FANCC: variants seen among roughly 807,000 people sequenced by gnomAD.
The protein encoded by FANCC is Fanconi anemia group C protein.
In FANCC, 55 loss-of-function variants were observed where a neutral mutation model predicts 71.3. That is an observed-to-expected ratio of 0.77 (90% CI 0.62 to 0.97). The LOEUF is 0.97. Ranked by LOEUF, FANCC falls within the 50% of genes least tolerant of loss-of-function variation. FANCC has a pLI of 0.00. For missense variants in FANCC, 678 were observed against 670.9 expected (o/e 1.01, Z -0.12); for synonymous variants, 275 against 244.9 (o/e 1.12, Z -1.15).
At chr9:95,195,233 T>A (rs2135765459) in intron 4 of FANCC, among the ~76,000 whole-genome samples, 2 of 133,272 alleles carry the variant, frequency 1.5e-5, no homozygotes, top group South Asian at 2.5e-4. Context: ...CAACTATGCC[T>A]AGTTCCAGAG....
chr9:95,295,233 A>G (rs1237980305), intron 1 of FANCC, among the ~76,000 whole-genome samples: 1 of 152,182 alleles, frequency 6.6e-6, no homozygotes, highest in Non-Finnish European at 1.5e-5. Context: ...CAAAGAAAAT[A>G]ACAGCGTGAA....
intron 7 of FANCC, among the ~76,000 whole-genome samples, chr9:95,146,913 A>C (rs1232811417): frequency 6.6e-6 from 1 of 152,088 alleles, no homozygotes; most frequent in African/African-American, 2.4e-5. Flanking sequence ...CATAAGAAGA[A>C]ATAAGTACAC....
chr9:95,124,202 T>C (rs755925907), intron 10 of FANCC, among the ~76,000 whole-genome samples: 3 of 151,454 alleles, frequency 2.0e-5, no homozygotes, highest in African/African-American at 4.9e-5. Flanking sequence ...GAGCCAAGCA[T>C]TGTAGTTCTC....
At chr9:95,194,493 C>T (rs1426954755) in intron 4 of FANCC, among the ~76,000 whole-genome samples, 1 of 152,204 alleles carries the variant, frequency 6.6e-6, no homozygotes, top group African/African-American at 2.4e-5. Flanking sequence ...AGTTCCTCCA[C>T]ATCTTCACCA....
At chr9:95,163,942 T>C (rs1830909559) in intron 6 of FANCC, among the ~76,000 whole-genome samples, 1 of 152,242 alleles carries the variant, frequency 6.6e-6, no homozygotes, top group Admixed American at 6.5e-5. Context: ...CTTATTTAAT[T>C]TCTTTTAGCA....
rs139573122 is a variant in FANCC, at chr9:95,244,177, C to A, written c.250+3255G>T. Among the ~76,000 whole-genome samples, 85 of 152,340 alleles carry A rather than the reference C, an allele frequency of 5.6e-4. No individual in the cohort carries two copies. In the East Asian group the frequency reaches 0.015, roughly 27 times the overall value. Reference sequence around the variant, plus strand: ...ATATGAGACCCCACGAGTTCAGATGCCCTGTCTTAGAGAATCACATCTTCA... The same window carrying A: ...ATATGAGACCCCACGAGTTCAGATGACCTGTCTTAGAGAATCACATCTTCA... On this transcript the variant is annotated intron_variant, in intron 3 of 14. Transcript: ENST00000289081.
rs2071247294 is a variant in FANCC at position 95,103,928 on chromosome 9, G to A, written c.1534-2078C>T. ...AGATAGTGGCCTTTGCCTTGAGCTG[G>A]CACTGCTCTCCAAATCTGGATGCCA... On this transcript the variant is annotated intron_variant, in intron 14 of 14. Transcript: ENST00000289081. 2.0e-5 allele frequency among the ~76,000 whole-genome samples: 3 copies of A among 152,348 alleles called. No individual in the cohort carries two copies. The South Asian group carries it at 6.2e-4, about 32-fold the overall frequency.
At chr9:95,160,569 T>G (rs537057910) in intron 6 of FANCC, among the ~76,000 whole-genome samples, 1 of 152,302 alleles carries the variant, frequency 6.6e-6, no homozygotes, top group African/African-American at 2.4e-5. Context: ...GTGAAGAAAG[T>G]CATTGGTAGC....
At chr9:95,232,081 T>G (rs4647450) in intron 4 of FANCC, among the ~76,000 whole-genome samples, 3,412 of 152,298 alleles carry the variant, frequency 0.022, 135 homozygotes, top group African/African-American at 0.078. Flanking sequence ...CGGGGAGGCC[T>G]CAGGAAACTT....
intron 4 of FANCC, among the ~76,000 whole-genome samples, chr9:95,222,019 T>C (rs546047445): frequency 6.6e-6 from 1 of 152,100 alleles, no homozygotes; most frequent in South Asian, 2.1e-4. Context: ...AATGTATGAC[T>C]ATATAAAACT....
chr9:95,133,478 G>A (rs1328357945), intron 8 of FANCC, among the ~76,000 whole-genome samples: 4 of 152,238 alleles, frequency 2.6e-5, no homozygotes, highest in African/African-American at 9.6e-5. Context: ...GGAGATTACT[G>A]TAAACTACAA....
intron 1 of FANCC, chr9:95,294,590 T>C (rs1041976190): frequency 5.2e-6 from 8 of 1,541,754 alleles, no homozygotes; most frequent in East Asian, 2.2e-5. Context: ...GTTAAAGATA[T>C]ACCTGCTCTA....
chr9:95,249,548 C>A (rs1831202530), intron 1 of FANCC, among the ~76,000 whole-genome samples, 179 bp from the exon 2 acceptor site: 1 of 152,162 alleles, frequency 6.6e-6, no homozygotes, highest in Non-Finnish European at 1.5e-5. Flanking sequence ...TTTTTACCAT[C>A]TGAACTTTTT....
chr9:95,241,272 A>G (rs1830611766), intron 3 of FANCC, among the ~76,000 whole-genome samples: 1 of 152,258 alleles, frequency 6.6e-6, no homozygotes, highest in Non-Finnish European at 1.5e-5. Context: ...AATTTAATAA[A>G]AAGGATTGTT....
At chr9:95,110,914 G>A in intron 13 of FANCC, 2 of 1,309,370 alleles carry the variant, frequency 1.5e-6, no homozygotes. Flanking sequence ...TGTTATTTAG[G>A]AAATGACCAA....
intron 1 of FANCC, among the ~76,000 whole-genome samples, chr9:95,258,975 A>G (rs1831845353): frequency 6.6e-6 from 1 of 152,196 alleles, no homozygotes; most frequent in African/African-American, 2.4e-5. Context: ...TAGGAATACA[A>G]CTTACAAAGG....
intron 6 of FANCC, among the ~76,000 whole-genome samples, chr9:95,166,383 C>T (rs895342030): frequency 2.0e-5 from 3 of 151,934 alleles, no homozygotes; most frequent in African/African-American, 7.2e-5. Context: ...TGTACATCTC[C>T]TACAGGTATT....
intron 1 of FANCC, among the ~76,000 whole-genome samples, chr9:95,270,599 G>GCAGT (rs1313677483): frequency 1.3e-5 from 2 of 152,250 alleles, no homozygotes; most frequent in Admixed American, 6.5e-5. Flanking sequence ...GGAGCAGGCA[G>GCAGT]CAGTCGCAGG....
intron 6 of FANCC, among the ~76,000 whole-genome samples, chr9:95,169,056 A>T (rs771288856): frequency 6.6e-5 from 10 of 152,254 alleles, no homozygotes; most frequent in African/African-American, 1.2e-4. Context: ...CTCAAAGTCC[A>T]AGAGCACTGG....
Sources: gnomAD v4.1 joint callset for allele counts (sites outside exome capture counted in the v4.1 genomes callset) on GRCh38, gnomAD v4.1.1 for gene constraint, MANE v1.5 for transcripts, NCBI Gene and HGNC (gene_info 2026-07-23, HGNC 2026-07-21) for gene names.